The following RBFOX3 variants were observed in gnomAD, a reference collection of about 807,000 sequenced individuals.
RBFOX3 encodes the protein RNA binding protein fox-1 homolog 3.
RBFOX3 carries 17 observed loss-of-function variants against 48.7 expected under a neutral mutation model. That is an observed-to-expected ratio of 0.35 (90% CI 0.24 to 0.52). RBFOX3 has a LOEUF of 0.52. Among genes scored for constraint, RBFOX3 ranks in the 20% least tolerant of loss-of-function variants. The probability of loss-of-function intolerance (pLI) is 0.94; values close to 1 mark genes in which losing one functional copy is unlikely to be tolerated. For missense variants in RBFOX3, 382 were observed against 497.5 expected (o/e 0.77, Z 2.21); for synonymous variants, 212 against 209.5 (o/e 1.01, Z -0.10).
intron 1 of RBFOX3, among the ~76,000 whole-genome samples, chr17:79,571,736 C>G (rs1173501464): frequency 6.6e-6 from 1 of 152,154 alleles, no homozygotes; most frequent in Non-Finnish European, 1.5e-5. Context: ...CTGGCCAAGA[C>G]TGGATGTTCG....
chr17:79,612,935 C>G (rs1232181409), upstream of RBFOX3, among the ~76,000 whole-genome samples: 2 of 152,194 alleles, frequency 1.3e-5, no homozygotes, highest in African/African-American at 2.4e-5. Context: ...CCCTGGGGAG[C>G]CTTTTCCTCT....
At chr17:79,171,481 C>T (rs759229721) in intron 4 of RBFOX3, among the ~76,000 whole-genome samples, 14 of 152,138 alleles carry the variant, frequency 9.2e-5, no homozygotes, top group South Asian at 2.1e-4. Flanking sequence ...ACAGACAACA[C>T]GTAAACAAAT....
intron 3 of RBFOX3, among the ~76,000 whole-genome samples, chr17:79,300,607 G>A (rs924464755): frequency 2.0e-5 from 3 of 152,216 alleles, no homozygotes; most frequent in African/African-American, 7.2e-5. Context: ...GGAGGCTGGG[G>A]CAACGTGGAC....
chr17:79,330,623 C>T (rs2080125409), intron 2 of RBFOX3, among the ~76,000 whole-genome samples: 1 of 152,190 alleles, frequency 6.6e-6, no homozygotes, highest in South Asian at 2.1e-4. Flanking sequence ...AGGCCTCTCC[C>T]ACACCCCTGA....
In RBFOX3 at chr17:79,118,992, AAT is replaced by A. The variant is rs1385894255; in HGVS notation, c.-33-3246_-33-3245del. On this transcript the variant is annotated intron_variant, in intron 4 of 14. Transcript: ENST00000693108. ...CCCTGTCTCAAAAAAAAAAAAAAAA[AAT>A]AAAGAAAATAAAATAAAAAAGAAAG... Among the ~76,000 whole-genome samples the A allele has an allele frequency of 6.8e-3, 975 of 143,024 alleles. 22 individuals carry two copies. Among genetic ancestry groups the A allele is most frequent in the East Asian group, 0.015 (63 of 4,298 alleles). The allele number at this position is 143,024 out of a possible 152,430, so 93.8% of individuals were successfully genotyped here.
intron 2 of RBFOX3, among the ~76,000 whole-genome samples, chr17:79,425,349 TTG>T (rs1292673161): frequency 6.6e-6 from 1 of 151,694 alleles, no homozygotes; most frequent in Non-Finnish European, 1.5e-5. Flanking sequence ...CTGGGGGGGC[TTG>T]TGTGGCCCCA....
Position 79,468,259 on chromosome 17 carries a change from G to A in RBFOX3, c.-175+14195C>T, listed in dbSNP as rs754625697. 1.2e-4 allele frequency among the ~76,000 whole-genome samples: 18 copies of A among 152,134 alleles called. No homozygotes were observed. The East Asian group carries it at 2.1e-3, about 18-fold the overall frequency. ...GATAGGCAGATAGACAGGGGATGAC[G>A]CATGAATAAATGGATACCTGCATAG... On this transcript the variant is annotated intron_variant, in intron 2 of 14. Transcript: ENST00000693108.
chr17:79,318,597 G>A (rs1246300836), intron 2 of RBFOX3, among the ~76,000 whole-genome samples: 3 of 152,118 alleles, frequency 2.0e-5, no homozygotes, highest in Admixed American at 2.0e-4. Flanking sequence ...GCTCATGCCT[G>A]TAATCCCAGC....
At chr17:79,318,870 A>AAAAAAAAAAAAAAAAAAC (rs2077959348) in intron 2 of RBFOX3, among the ~76,000 whole-genome samples, 1 of 149,402 alleles carries the variant, frequency 6.7e-6, no homozygotes, top group Non-Finnish European at 1.5e-5. Flanking sequence ...AAAAAAAAAA[A>AAAAAAAAAAAAAAAAAAC]AAAAAAAAAA....
upstream of RBFOX3, among the ~76,000 whole-genome samples, chr17:79,615,117 C>T (rs963968064): frequency 2.4e-4 from 36 of 151,872 alleles, no homozygotes; most frequent in East Asian, 2.5e-3. Context: ...AGAGCAGGAA[C>T]GAGAATAGCT....
chr17:79,562,919 C>T (rs984508337), intron 1 of RBFOX3, among the ~76,000 whole-genome samples: 2 of 152,236 alleles, frequency 1.3e-5, no homozygotes, highest in Non-Finnish European at 2.9e-5. Context: ...ATTTTTTCCC[C>T]TCTGCAGAGC....
intron 4 of RBFOX3, among the ~76,000 whole-genome samples, chr17:79,151,445 GGAT>G (rs1364729701): frequency 4.6e-4 from 4 of 8,734 alleles, no homozygotes; most frequent in Non-Finnish European, 8.5e-4. Context: ...GGGGAGGCGA[GGAT>G]GGGAGGGGAC....
chr17:79,632,130 C>T, the RBFOX3 span, among the ~76,000 whole-genome samples: 2 of 152,236 alleles, frequency 1.3e-5, no homozygotes, highest in African/African-American at 4.8e-5. Context: ...AGAGACAACT[C>T]TATTGGGAGA....
chr17:79,213,458 C>T (rs571307584), intron 4 of RBFOX3, among the ~76,000 whole-genome samples: 233 of 152,336 alleles, frequency 1.5e-3, no homozygotes, highest in African/African-American at 4.8e-3. Flanking sequence ...AACAGCCAGA[C>T]GGGGGAGGGT....
chr17:79,256,269 C>A (rs1230594439), intron 3 of RBFOX3, among the ~76,000 whole-genome samples: 1 of 152,070 alleles, frequency 6.6e-6, no homozygotes, highest in East Asian at 1.9e-4. Flanking sequence ...ATAAACCGAC[C>A]CTTCCTTTCT....
In RBFOX3 at chr17:79,252,641, C is replaced by T. The variant is rs8066616; in HGVS notation, c.-73-16836G>A. On this transcript the variant is annotated intron_variant, in intron 3 of 14. Transcript: ENST00000693108. This position sits in a 1 kb window ranked among gnomAD's most constrained non-coding sequence, Gnocchi z 4.0. ...TTCCAGAACTGCAAGGCCACCCATC[C>T]AGCTCGTTTCAAGCCGCTACGTTTG... 0.26 allele frequency among the ~76,000 whole-genome samples: 39,179 copies of T among 152,048 alleles called. 5,124 individuals are homozygous for T. Among genetic ancestry groups the T allele is most frequent in the Non-Finnish European group, 0.29 (19,435 of 67,974 alleles).
chr17:79,277,286 GGA>G, intron 3 of RBFOX3, among the ~76,000 whole-genome samples: 1 of 93,830 alleles, frequency 1.1e-5, no homozygotes, highest in Non-Finnish European at 2.3e-5. Flanking sequence ...AGGCCTCCAA[GGA>G]TTCCAATGGT....
At chr17:79,410,481 CAGGTGGGCCTGACCTA>C (rs2064157821) in intron 2 of RBFOX3, among the ~76,000 whole-genome samples, 1 of 152,142 alleles carries the variant, frequency 6.6e-6, no homozygotes, top group African/African-American at 2.4e-5. Flanking sequence ...GGGAGTTTAT[CAGGTGGGCCTGACCTA>C]AGCAGATGAG....
intron 1 of RBFOX3, among the ~76,000 whole-genome samples, chr17:79,556,750 A>G (rs1391918025): frequency 1.3e-5 from 2 of 152,230 alleles, no homozygotes; most frequent in Admixed American, 6.5e-5. Context: ...ACATCTATCA[A>G]CGTCTTGAGA....
Sources: allele counts gnomAD v4.1 joint callset (sites outside exome capture counted in the v4.1 genomes callset), GRCh38; gene constraint gnomAD v4.1.1; non-coding constraint Gnocchi (gnomAD v3.1); transcripts MANE v1.5; gene names NCBI Gene and HGNC (gene_info 2026-07-23, HGNC 2026-07-21).